The following MRPS9 variants were observed in gnomAD, a reference collection of about 807,000 sequenced individuals.
MRPS9 encodes small ribosomal subunit protein uS9m.
MRPS9 carries 45 observed loss-of-function variants against 59.9 expected under a neutral mutation model. The ratio of observed to expected loss-of-function variants is 0.75; its 90% CI spans 0.59 to 0.96. The LOEUF (loss-of-function observed/expected upper bound fraction) is 0.96, where lower values mean the gene tolerates loss of function less well. MRPS9 is among the 40% of genes least tolerant of loss of function. The probability of loss-of-function intolerance (pLI) is 0.00; values close to 1 mark genes in which losing one functional copy is unlikely to be tolerated. For synonymous variants in MRPS9, 171 were observed against 166.8 expected, an observed-to-expected ratio of 1.03 and a Z score of -0.19; for missense variants, 473 against 481.1, an observed-to-expected ratio of 0.98 and a Z score of 0.16.
At chr2:105,046,745 C>A (rs1418297272) in intron 1 of MRPS9, among the ~76,000 whole-genome samples, 2 of 151,898 alleles carry the variant, frequency 1.3e-5, no homozygotes, top group African/African-American at 4.8e-5. Flanking sequence ...TGTGGGTTCA[C>A]CTGTATTAGG....
At chr2:105,039,651 A>G (rs1268088326) in intron 1 of MRPS9, among the ~76,000 whole-genome samples, 2 of 152,164 alleles carry the variant, frequency 1.3e-5, no homozygotes, top group Non-Finnish European at 2.9e-5. Context: ...GAAATCCTTC[A>G]GGGTCCCCTA....
chr2:105,098,783 G>A (rs1418720479), intron 10 of MRPS9: 2 of 152,170 alleles, frequency 1.3e-5, no homozygotes, highest in Admixed American at 6.5e-5. Context: ...TACAGTAGGA[G>A]GAGTGCTAAC....
chr2:105,065,783 T>C (rs1218795286), intron 2 of MRPS9, among the ~76,000 whole-genome samples: 1 of 152,210 alleles, frequency 6.6e-6, no homozygotes, highest in East Asian at 1.9e-4. Flanking sequence ...GTACTAACAC[T>C]CAAGATTCTC....
chr2:105,045,305 C>T (rs1171932179), intron 1 of MRPS9, among the ~76,000 whole-genome samples: 1 of 149,360 alleles, frequency 6.7e-6, no homozygotes, highest in African/African-American at 2.5e-5. Flanking sequence ...GTCCAAATTG[C>T]CAGCTCAAAA....
chr2:105,090,110 TTTTC>T (rs55713311), intron 7 of MRPS9, 115 bp downstream of exon 7: 95 of 521,370 alleles, frequency 1.8e-4, no homozygotes, highest in African/African-American at 4.4e-4. Context: ...CTACGATGAC[TTTTC>T]TTTCTTTCTT....
At chr2:105,097,462 G>T (rs1680691304) in intron 10 of MRPS9, 138 bp downstream of exon 10, 1 of 790,326 alleles carries the variant, frequency 1.3e-6, no homozygotes. Flanking sequence ...CTTCTTTCTT[G>T]CTACAGAACC....
intron 2 of MRPS9, among the ~76,000 whole-genome samples, chr2:105,053,297 A>G (rs138009677): frequency 1.5e-3 from 227 of 152,310 alleles, no homozygotes; most frequent in African/African-American, 5.2e-3. Flanking sequence ...TAGAGTAGCT[A>G]TGGTCTATAA....
chr2:105,041,956 G>A (rs1679509582), intron 1 of MRPS9, among the ~76,000 whole-genome samples: 2 of 152,244 alleles, frequency 1.3e-5, no homozygotes, highest in African/African-American at 4.8e-5. Context: ...GATAATAAAT[G>A]CTACTATCAT....
At chr2:105,076,460 A>G (rs562002912) in intron 4 of MRPS9, among the ~76,000 whole-genome samples, 1 of 152,376 alleles carries the variant, frequency 6.6e-6, no homozygotes, top group South Asian at 2.1e-4. Flanking sequence ...CTGAATTCCA[A>G]CTATACAAAT....
At chr2:105,067,367 T>C (rs998795351) in intron 2 of MRPS9, among the ~76,000 whole-genome samples, 2 of 152,180 alleles carry the variant, frequency 1.3e-5, no homozygotes, top group Non-Finnish European at 2.9e-5. Context: ...TAAAGGATAC[T>C]GCTTAGGTGA....
At chr2:105,095,875 G>T (rs1268972228) in intron 9 of MRPS9, among the ~76,000 whole-genome samples, 1 of 149,834 alleles carries the variant, frequency 6.7e-6, no homozygotes, top group Non-Finnish European at 1.5e-5. Flanking sequence ...TCAAACTTCT[G>T]GACCCAGACT....
At chr2:105,089,171 G>A in intron 6 of MRPS9, 102 bp downstream of exon 6, 1 of 782,648 alleles carries the variant, frequency 1.3e-6, no homozygotes. Flanking sequence ...AATTTGTTCA[G>A]TATTTCAGCA....
intron 2 of MRPS9, among the ~76,000 whole-genome samples, chr2:105,051,095 T>C (rs1025175475): frequency 6.6e-6 from 1 of 152,240 alleles, no homozygotes; most frequent in African/African-American, 2.4e-5. Flanking sequence ...ATTTCTCTTA[T>C]GTGTATACCT....
At chr2:105,071,574 C>A in intron 4 of MRPS9, 85 bp downstream of exon 4, 2 of 1,305,928 alleles carry the variant, frequency 1.5e-6, no homozygotes. Context: ...GCTCACATAT[C>A]GTAGGGTGGC....
rs140685933 is a variant in MRPS9, at chr2:105,062,127, A to G, written c.316-9186A>G. Among the ~76,000 whole-genome samples the G allele has an allele frequency of 1.7e-3, 254 of 152,020 alleles. 1 individual carries two copies. Among genetic ancestry groups the G allele is most frequent in the Non-Finnish European group, 1.4e-3 (96 of 67,962 alleles). ...ACTCTCATTTTTACTCCATATACAC[A>G]CTTCTGTTACACACACACACACACT... is the stretch of plus-strand genomic sequence containing the variant. On this transcript the variant is annotated intron_variant, in intron 2 of 10. Coordinates refer to ENST00000258455, the MANE Select transcript of MRPS9 (RefSeq NM_182640.3).
rs780103515 is a variant in MRPS9, at chr2:105,049,204, C to G, written c.169C>G (p.Pro57Ala). The change falls in exon 2 of 11, where the codon CCA becomes GCA. Residue 57 changes from proline (P) to alanine (A), a missense_variant. Pro to Ala is a conservative substitution (Grantham distance 27). Transcript: ENST00000258455. ...LRLRHTAFVI[P>A]KKNVPTSKRE... ...GCTAAGACATACTGCATTTGTAATA[C>G]CAAAGAAAAACGTTCCTACCTCAAA... is the stretch of plus-strand genomic sequence containing the variant. 2.5e-6 allele frequency: 4 copies of G among 1,609,984 alleles called. No homozygotes were observed.
intron 1 of MRPS9, among the ~76,000 whole-genome samples, chr2:105,038,827 C>G (rs534299859): frequency 1.3e-5 from 2 of 152,248 alleles, no homozygotes; most frequent in Admixed American, 6.5e-5. Flanking sequence ...CATGCGATCT[C>G]AGAGCAGGAA....
intron 5 of MRPS9, among the ~76,000 whole-genome samples, chr2:105,086,126 C>A (rs1309468344): frequency 1.3e-5 from 2 of 152,100 alleles, no homozygotes; most frequent in African/African-American, 4.8e-5. Context: ...CATACCTCAC[C>A]CCCGCTATCA....
intron 2 of MRPS9, among the ~76,000 whole-genome samples, chr2:105,065,605 TATA>T (rs890276071): frequency 3.3e-5 from 5 of 152,230 alleles, no homozygotes; most frequent in Non-Finnish European, 5.9e-5. Flanking sequence ...TTCTTATGGT[TATA>T]ATAAGACACA....
Sources: allele counts gnomAD v4.1 joint callset (sites outside exome capture counted in the v4.1 genomes callset), GRCh38; gene constraint gnomAD v4.1.1; transcripts MANE v1.5; gene names NCBI Gene and HGNC (gene_info 2026-07-23, HGNC 2026-07-21).